The following RBMS3 variants were observed in gnomAD, a reference collection of about 807,000 sequenced individuals.
The protein encoded by RBMS3 is RNA-binding motif, single-stranded-interacting protein 3.
Under a neutral mutation model 66.8 loss-of-function variants are expected in RBMS3, and 27 were observed. That is an observed-to-expected ratio of 0.40 (90% CI 0.30 to 0.56). The LOEUF (loss-of-function observed/expected upper bound fraction) is 0.56. Among genes scored for constraint, RBMS3 ranks in the 20% least tolerant of loss-of-function variants. The pLI, the probability that RBMS3 is intolerant of heterozygous loss-of-function variation, is 0.40. For synonymous variants in RBMS3, 188 were observed against 183.0 expected (o/e 1.03, Z -0.22); for missense variants, 513 against 549.5 (o/e 0.93, Z 0.66).
At chr3:29,330,519 T>C (rs185374421) in intron 1 of RBMS3, among the ~76,000 whole-genome samples, 9 of 102,352 alleles carry the variant, frequency 8.8e-5, no homozygotes, top group East Asian at 4.9e-4. Context: ...GGATAGCTTA[T>C]TATTGTCTAT....
intron 4 of RBMS3, among the ~76,000 whole-genome samples, chr3:29,612,648 G>C (rs763526542): frequency 2.0e-5 from 3 of 151,916 alleles, no homozygotes; most frequent in Admixed American, 6.6e-5. Context: ...GATGTTTTGA[G>C]AACTGCTCCT....
chr3:29,682,766 G>A (rs2051552641), intron 4 of RBMS3, among the ~76,000 whole-genome samples: 1 of 152,170 alleles, frequency 6.6e-6, no homozygotes, highest in Admixed American at 6.5e-5. Context: ...CTGCAACAGT[G>A]CTATTCACAA....
intron 4 of RBMS3, among the ~76,000 whole-genome samples, chr3:29,661,620 G>A (rs930318497): frequency 6.6e-6 from 1 of 151,890 alleles, no homozygotes; most frequent in Middle Eastern, 3.2e-3. Flanking sequence ...GTCATTGTTG[G>A]GAGTGCTCTA....
chr3:29,895,904 A>T (rs74404640), intron 8 of RBMS3, among the ~76,000 whole-genome samples: 4 of 144,340 alleles, frequency 2.8e-5, no homozygotes, highest in African/African-American at 5.1e-5. Context: ...TATTGTCTTT[A>T]AAAAAAAAAA....
At chr3:29,854,130 A>G (rs529743458) in intron 6 of RBMS3, among the ~76,000 whole-genome samples, 1 of 152,204 alleles carries the variant, frequency 6.6e-6, no homozygotes, top group Non-Finnish European at 1.5e-5. Context: ...CCCCAGGGAC[A>G]CCTTTCCTGG....
chr3:29,440,082 C>A (rs894456283), intron 2 of RBMS3, among the ~76,000 whole-genome samples: 1 of 152,066 alleles, frequency 6.6e-6, no homozygotes, highest in African/African-American at 2.4e-5. Flanking sequence ...ATATTTTGTC[C>A]TTCCAAGAAA....
At chr3:29,373,214 C>A (rs2038298880) in intron 1 of RBMS3, among the ~76,000 whole-genome samples, 1 of 152,154 alleles carries the variant, frequency 6.6e-6, no homozygotes, top group Admixed American at 6.5e-5. Flanking sequence ...CCATTTGCTT[C>A]CAGAACCCAC....
rs114295368 is a variant in RBMS3, at chr3:29,707,799, T to A, written c.400-31921T>A. ...GGGTAGGAATGGAAAGACTATCAAG[T>A]GCCAGTAAGTCCATTTGAGAAAAGA... On this transcript the variant is annotated intron_variant, in intron 4 of 14. Transcript: ENST00000383767. Among the ~76,000 whole-genome samples, 621 of 152,350 alleles carry A rather than the reference T, an allele frequency of 4.1e-3. 6 individuals carry two copies. Among genetic ancestry groups the A allele is most frequent in the African/African-American group, 0.014 (585 of 41,580 alleles).
At chr3:29,297,338 C>G (rs1367822181) in intron 1 of RBMS3, among the ~76,000 whole-genome samples, 1 of 151,616 alleles carries the variant, frequency 6.6e-6, no homozygotes, top group African/African-American at 2.4e-5. Context: ...AAATAAGAAC[C>G]ATTAACTCAA....
chr3:29,650,584 C>T (rs376848745), intron 4 of RBMS3, among the ~76,000 whole-genome samples: 10 of 152,150 alleles, frequency 6.6e-5, no homozygotes, highest in Admixed American at 4.6e-4. Context: ...TGAGGCACCA[C>T]GCCTGGCCTC....
chr3:29,448,141 C>G (rs769534722), intron 2 of RBMS3, among the ~76,000 whole-genome samples: 18 of 152,240 alleles, frequency 1.2e-4, no homozygotes, highest in Non-Finnish European at 2.4e-4. Context: ...AGTGAACTCT[C>G]TGATCGCTAC....
chr3:29,933,450 T>A (rs1169638731), intron 10 of RBMS3, among the ~76,000 whole-genome samples: 1 of 150,984 alleles, frequency 6.6e-6, no homozygotes, highest in Non-Finnish European at 1.5e-5. Flanking sequence ...AGACAAAGTA[T>A]CATTAAGAAA....
chr3:29,935,088 T>G (rs11923788), intron 10 of RBMS3, among the ~76,000 whole-genome samples: 85,573 of 151,952 alleles, frequency 0.56, 26,645 homozygotes, highest in Non-Finnish European at 0.72. Flanking sequence ...TTTATCACAA[T>G]CTTTAAATAA....
In RBMS3 at chr3:29,688,224, T is replaced by C. The variant is rs539233610; in HGVS notation, c.400-51496T>C. Among the ~76,000 whole-genome samples, 21 of 152,256 alleles carry C rather than the reference T, an allele frequency of 1.4e-4. 1 individual carries two copies. In the South Asian group the frequency reaches 4.3e-3, roughly 32 times the overall value. ...TACCACATCCTGAAACAATGACCAA[T>C]CTTCCAATGCTTTTATGTGCATTGA... On this transcript the variant is annotated intron_variant, in intron 4 of 14. Transcript: ENST00000383767.
chr3:29,337,270 A>G (rs1010470922), intron 1 of RBMS3, among the ~76,000 whole-genome samples: 5 of 152,050 alleles, frequency 3.3e-5, no homozygotes, highest in African/African-American at 1.2e-4. Context: ...ATCCCTATTG[A>G]TCAAAATTAT....
At chr3:29,361,840 C>T (rs998123484) in intron 1 of RBMS3, among the ~76,000 whole-genome samples, 15 of 152,174 alleles carry the variant, frequency 9.9e-5, no homozygotes, top group African/African-American at 1.7e-4. Context: ...TTGATTGAAT[C>T]GGCTACTGAA....
rs148051847 is a variant in RBMS3, at chr3:29,921,410, G to A, written c.940-14676G>A. ...TAAAATACCCACTATAGTCAGAATA[G>A]CCACTCAGAATATGTGGGTTAGCTG... On this transcript the variant is annotated intron_variant, in intron 10 of 14. Transcript: ENST00000383767. Among the ~76,000 whole-genome samples, 439 of 145,702 alleles carry A rather than the reference G, an allele frequency of 3.0e-3. 1 individual carries two copies. The highest frequency in any genetic ancestry group is 0.01 in the African/African-American group (400 of 39,562).
intron 4 of RBMS3, among the ~76,000 whole-genome samples, chr3:29,677,458 A>G (rs746338715): frequency 8.5e-5 from 13 of 152,184 alleles, no homozygotes; most frequent in Admixed American, 2.0e-4. Context: ...ATGTAGATTT[A>G]TGAAAGTCTT....
chr3:29,420,773 C>T (rs1267503851), intron 1 of RBMS3, among the ~76,000 whole-genome samples: 1 of 151,918 alleles, frequency 6.6e-6, no homozygotes, highest in Admixed American at 6.6e-5. Flanking sequence ...AATGATCACT[C>T]CTAGAACACT....
Sources: gnomAD v4.1 joint callset for allele counts (sites outside exome capture counted in the v4.1 genomes callset) on GRCh38, gnomAD v4.1.1 for gene constraint, MANE v1.5 for transcripts, NCBI Gene and HGNC (gene_info 2026-07-23, HGNC 2026-07-21) for gene names.